CEMIP: variants seen among roughly 807,000 people sequenced by gnomAD.
CEMIP encodes the protein cell migration inducing hyaluronidase 1.
A neutral mutation model predicts 156.9 loss-of-function variants in CEMIP; 105 were observed. The observed-to-expected ratio is 0.67, with a 90% CI of 0.57 to 0.79. CEMIP has a LOEUF of 0.79. CEMIP is among the 30% of genes least tolerant of loss of function. The pLI, the probability that CEMIP is intolerant of heterozygous loss-of-function variation, is 0.00. For missense variants in CEMIP, 1,457 were observed against 1,769.4 expected (o/e 0.82, Z 3.17); for synonymous variants, 676 against 668.4 (o/e 1.01, Z -0.17).
intron 11 of CEMIP, 53 bp from the exon 12 acceptor site, chr15:80,895,816 A>G: frequency 6.3e-7 from 1 of 1,583,550 alleles, no homozygotes; most frequent in Non-Finnish European, 8.7e-7. Context: ...GGTAGCCAAA[A>G]GTTTGCCAAG....
chr15:80,859,931 C>T (rs1897944759), intron 1 of CEMIP, among the ~76,000 whole-genome samples: 1 of 152,168 alleles, frequency 6.6e-6, no homozygotes, highest in African/African-American at 2.4e-5. Flanking sequence ...TGCCCCAGAT[C>T]CACAGTCAGA....
At chr15:80,792,682 T>G (rs1044915481) in intron 1 of CEMIP, among the ~76,000 whole-genome samples, 3 of 152,174 alleles carry the variant, frequency 2.0e-5, no homozygotes, top group Non-Finnish European at 4.4e-5. Context: ...GCTGTGACTT[T>G]GGGGGAATTT....
At chr15:80,913,154 C>T (rs534257220) in intron 14 of CEMIP, among the ~76,000 whole-genome samples, 6 of 152,314 alleles carry the variant, frequency 3.9e-5, no homozygotes, top group South Asian at 4.1e-4. Flanking sequence ...CTCTGATATC[C>T]TTTATCCTCA....
At chr15:80,866,075 A>C (rs1596143354) in intron 1 of CEMIP, among the ~76,000 whole-genome samples, 1 of 152,278 alleles carries the variant, frequency 6.6e-6, no homozygotes, top group East Asian at 1.9e-4. Flanking sequence ...AGGCTTTGGA[A>C]CCATCCCTCC....
At chr15:80,937,689 G>T in intron 24 of CEMIP, 105 bp from the exon 25 acceptor site, 10 of 983,140 alleles carry the variant, frequency 1.0e-5, no homozygotes, top group Non-Finnish European at 1.6e-5. Context: ...AAAAGTGGAG[G>T]TGTCATTTGG....
At chr15:80,809,457 T>G (rs1372359494) in intron 1 of CEMIP, among the ~76,000 whole-genome samples, 1 of 152,226 alleles carries the variant, frequency 6.6e-6, no homozygotes, top group African/African-American at 2.4e-5. Flanking sequence ...AACAATTCAG[T>G]TTCTATAAAG....
intron 7 of CEMIP, among the ~76,000 whole-genome samples, chr15:80,885,928 C>T (rs1898821471): frequency 6.6e-6 from 1 of 152,204 alleles, no homozygotes; most frequent in Non-Finnish European, 1.5e-5. Flanking sequence ...TACACGTCCA[C>T]ACCTCATTTG....
At chr15:80,936,055 C>G (rs2141959204) in intron 23 of CEMIP, among the ~76,000 whole-genome samples, 1 of 152,334 alleles carries the variant, frequency 6.6e-6, no homozygotes, top group South Asian at 2.1e-4. Context: ...TGTTTTAAAC[C>G]AATGCTGGGA....
At chr15:80,850,144 A>C (rs1446233753) in intron 1 of CEMIP, among the ~76,000 whole-genome samples, 1 of 151,256 alleles carries the variant, frequency 6.6e-6, no homozygotes, top group Non-Finnish European at 1.5e-5. Context: ...TGTCAGGGTC[A>C]GGGGTGGGAG....
chr15:80,872,915 T>G (rs1898345286), intron 1 of CEMIP, among the ~76,000 whole-genome samples: 1 of 152,256 alleles, frequency 6.6e-6, no homozygotes, highest in African/African-American at 2.4e-5. Context: ...GGTCAGGGCC[T>G]AAGTTTTCTC....
intron 1 of CEMIP, among the ~76,000 whole-genome samples, chr15:80,841,036 G>C (rs1420341687): frequency 1.3e-5 from 2 of 152,154 alleles, no homozygotes; most frequent in Non-Finnish European, 1.5e-5. Flanking sequence ...GGGACAGCTT[G>C]AGCGTCCCCT....
At chr15:80,878,444 G>A (rs539983229) in intron 3 of CEMIP, among the ~76,000 whole-genome samples, 2 of 152,330 alleles carry the variant, frequency 1.3e-5, no homozygotes, top group South Asian at 2.1e-4. Context: ...AAGCCATCTG[G>A]TCTACGCTTT....
At chr15:80,859,638 T>C (rs1897936819) in intron 1 of CEMIP, among the ~76,000 whole-genome samples, 1 of 152,240 alleles carries the variant, frequency 6.6e-6, no homozygotes, top group Non-Finnish European at 1.5e-5. Context: ...TCTCAATCCA[T>C]GGCATCTGTG....
At chr15:80,927,297 C>T (rs956236642) in intron 19 of CEMIP, among the ~76,000 whole-genome samples, 30 of 152,176 alleles carry the variant, frequency 2.0e-4, no homozygotes, top group African/African-American at 6.5e-4. Flanking sequence ...CAGGTTTCAG[C>T]TCTGGAGAAG....
Position 80,911,760 on chromosome 15 carries a change from C to T in CEMIP, c.1797+2454C>T, listed in dbSNP as rs1456436640. Among the ~76,000 whole-genome samples, 6 of 152,258 alleles carry T rather than the reference C, an allele frequency of 3.9e-5. No homozygotes were observed. In the South Asian group the frequency reaches 1.2e-3, roughly 31 times the overall value. ...AGCAAACCTTTCTCAGAGTGCTGAG[C>T]CCAGGTCTTAGCTGCAGCAATGGAC... is the stretch of plus-strand genomic sequence containing the variant. On this transcript the variant is annotated intron_variant, in intron 14 of 29. Coordinates refer to ENST00000394685, the MANE Select transcript of CEMIP (RefSeq NM_001293298.2).
rs988758327 is a variant in CEMIP, at chr15:80,906,963, G to A, written c.1587+125G>A. ...CAGGAGGTGGGATCAAGGGGAGGGC[G>A]CCTTCTGGAAGTTTGAGAAGTCTTA... On this transcript the variant is annotated intron_variant, in intron 13 of 29. Coordinates refer to ENST00000394685, the MANE Select transcript of CEMIP (RefSeq NM_001293298.2). This position sits in a 1 kb window ranked among gnomAD's most constrained non-coding sequence, Gnocchi z 4.3. 21 of 1,047,554 alleles carry A rather than the reference G, an allele frequency of 2.0e-5. 1 individual carries two copies. The highest frequency in any genetic ancestry group is 1.9e-4 in the African/African-American group (12 of 63,220). 64.9% of individuals were successfully genotyped at this position (1,047,554 alleles called of 1,614,324 possible). A position where few individuals can be genotyped will look rare whatever the true frequency, so the allele number is the denominator to read the frequency against.
At position 80,941,871 on chromosome 15, in the gene CEMIP, G is replaced by T; in HGVS notation, c.3430G>T (p.Ala1144Ser). 6.2e-7 allele frequency: 1 copy of T among 1,613,918 alleles called. No individual in the cohort carries two copies. Among genetic ancestry groups the T allele is most frequent in the South Asian group, 1.1e-5 (1 of 91,054 alleles). ...CAGGCTGTTGTTCCTGAAGCTGAAA[G>T]CTCAGAACGAGAGAGAGAAGTTTGC... ...DSGLLFLKLK[A>S]QNEREKFAFC... Residue 1144 changes from alanine to serine, a missense_variant, in exon 26 of 30, where the codon GCT (alanine) becomes TCT (serine). Physicochemically the swap from Ala to Ser is moderately conservative, Grantham distance 99. Around this residue, in one of 5 missense-constraint regions of CEMIP, gnomAD observed 798 missense variants for 980.1 expected, o/e 0.81. Coordinates refer to ENST00000394685, the MANE Select transcript of CEMIP (RefSeq NM_001293298.2).
chr15:80,791,001 A>G (rs2141577713), intron 1 of CEMIP, among the ~76,000 whole-genome samples: 1 of 152,164 alleles, frequency 6.6e-6, no homozygotes, highest in East Asian at 1.9e-4. Flanking sequence ...ACAAGGTAAC[A>G]TGGAGGAAGT....
intron 10 of CEMIP, among the ~76,000 whole-genome samples, chr15:80,893,681 G>A (rs1444120376): frequency 6.6e-6 from 1 of 152,206 alleles, no homozygotes; most frequent in East Asian, 1.9e-4. Flanking sequence ...TCTGGCTGCT[G>A]CAGAGACCAC....
Sources: allele counts gnomAD v4.1 joint callset (sites outside exome capture counted in the v4.1 genomes callset), GRCh38; gene constraint gnomAD v4.1.1; regional missense constraint gnomAD v4.1.1; non-coding constraint Gnocchi (gnomAD v3.1); transcripts MANE v1.5; gene names NCBI Gene and HGNC (gene_info 2026-07-23, HGNC 2026-07-21).